SYK: variants seen among roughly 807,000 people sequenced by gnomAD.
SYK encodes the protein tyrosine-protein kinase SYK.
Under a neutral mutation model 77.8 loss-of-function variants are expected in SYK, and 16 were observed. That is an observed-to-expected ratio of 0.21 (90% confidence interval 0.14 to 0.31). SYK has a LOEUF of 0.31. Among genes scored for constraint, SYK ranks in the 10% least tolerant of loss-of-function variants. The pLI, the probability that SYK is intolerant of heterozygous loss-of-function variation, is 1.00. For synonymous variants in SYK, 312 were observed against 308.7 expected, an observed-to-expected ratio of 1.01 and a Z score of -0.11; for missense variants, 529 against 814.4, an observed-to-expected ratio of 0.65 and a Z score of 4.26.
In SYK at chr9:90,895,899, A is replaced by C; in HGVS notation, c.*299A>C. On this transcript the variant is annotated 3_prime_UTR_variant, in exon 14 of 14. Coordinates refer to ENST00000375754, the MANE Select transcript of SYK (RefSeq NM_003177.7). The surrounding 1 kb of genome is among the most constrained non-coding windows in gnomAD (Gnocchi z 4.4). ...TACGATCTGTTTCCAAATCCCTTTC[A>C]TGTCTTTCCACTTCTCTGGGTCCCG... 7.7e-6 allele frequency: 3 copies of C among 390,606 alleles called. No homozygotes were observed. The highest frequency in any genetic ancestry group is 6.7e-5 in the South Asian group (2 of 29,916). 24.2% of individuals were successfully genotyped at this position (390,606 alleles called of 1,614,324 possible).
chr9:90,842,130 A>G (rs1826384826), intron 1 of SYK, among the ~76,000 whole-genome samples: 2 of 118,868 alleles, frequency 1.7e-5, no homozygotes, highest in African/African-American at 3.3e-5. Context: ...TATGTATGTA[A>G]TTTGTGTTGT....
Position 90,865,038 on chromosome 9 carries a change from C to G in SYK, c.797-10C>G, listed in dbSNP as rs200686089. 1.2e-5 allele frequency: 19 copies of G among 1,613,922 alleles called. No individual in the cohort carries two copies. Among genetic ancestry groups the G allele is most frequent in the Non-Finnish European group, 1.4e-5 (17 of 1,179,906 alleles). On this transcript the variant is annotated splice_polypyrimidine_tract_variant and intron_variant, in intron 5 of 13. Coordinates refer to ENST00000375754, the MANE Select transcript of SYK (RefSeq NM_003177.7). Reference sequence around the variant, plus strand: ...ATAGAGCAGTAATTGTCCATGCTCTCTCTAACCAGGAAATGTTAATTTTGG... The same window carrying G: ...ATAGAGCAGTAATTGTCCATGCTCTGTCTAACCAGGAAATGTTAATTTTGG...
At chr9:90,853,954 C>G (rs1307520588) in intron 3 of SYK, among the ~76,000 whole-genome samples, 1 of 152,078 alleles carries the variant, frequency 6.6e-6, no homozygotes, top group Non-Finnish European at 1.5e-5. Flanking sequence ...GGTATGGTGG[C>G]CAGGGCAGGC....
rs1587924085 is a variant in SYK, at chr9:90,887,945, C to T, written c.1722+56C>T. 1.2e-5 allele frequency: 17 copies of T among 1,476,704 alleles called. No homozygotes were observed. In the East Asian group the frequency reaches 4.3e-4, roughly 38 times the overall value. The allele number at this position is 1,476,704 out of a possible 1,614,324, so 91.5% of individuals were successfully genotyped here. On this transcript the variant is annotated intron_variant, in intron 12 of 13. Coordinates refer to ENST00000375754, the MANE Select transcript of SYK (RefSeq NM_003177.7). The stretch of plus-strand genomic sequence containing the variant: ...TGGGGCCATTAGAACAGATAAGCAC[C>T]AGATTGTCTTTACAACAACCTGAAA...
intron 9 of SYK, among the ~76,000 whole-genome samples, chr9:90,876,711 G>T (rs769438075): frequency 6.6e-6 from 1 of 152,186 alleles, no homozygotes; most frequent in Non-Finnish European, 1.5e-5. Context: ...GCAAAATGAT[G>T]TCTTTACAAT....
At chr9:90,862,461 C>T in intron 4 of SYK, 117 bp downstream of exon 4, 8 of 1,280,570 alleles carry the variant, frequency 6.2e-6, no homozygotes, top group Non-Finnish European at 8.4e-6. Context: ...AGTGTGGTCC[C>T]CAGGCCAGCA....
chr9:90,851,182 C>T (rs1826806157), intron 3 of SYK, among the ~76,000 whole-genome samples: 1 of 152,168 alleles, frequency 6.6e-6, no homozygotes, highest in Non-Finnish European at 1.5e-5. Context: ...GCAACCAAAT[C>T]CATCTCCAGA....
chr9:90,884,155 A>ATG (rs1828275133), intron 11 of SYK, among the ~76,000 whole-genome samples: 1 of 95,170 alleles, frequency 1.1e-5, no homozygotes, highest in Non-Finnish European at 2.3e-5. Flanking sequence ...GTGTGTGTGT[A>ATG]TATATACACA....
chr9:90,896,609 G>C lies in SYK; in HGVS notation c.*1009G>C. The C allele has an allele frequency of 4.3e-6, 1 of 232,942 alleles. No homozygotes were observed. The highest frequency in any genetic ancestry group is 8.5e-6 in the Non-Finnish European group (1 of 117,832). The allele number at this position is 232,942 out of a possible 1,614,324, so 14.4% of individuals were successfully genotyped here. On this transcript the variant is annotated 3_prime_UTR_variant, in exon 14 of 14. Coordinates refer to ENST00000375754, the MANE Select transcript of SYK (RefSeq NM_003177.7). The stretch of plus-strand genomic sequence containing the variant: ...ATTCAGAACAAGCCAAAGACCCTGA[G>C]CCTCACCACAAACAGGCCTTTTGGA...
At position 90,853,094 on chromosome 9, in the gene SYK, C is replaced by A. The variant is rs1826881185; in HGVS notation, c.578+7500C>A. On this transcript the variant is annotated intron_variant, in intron 3 of 13. Coordinates refer to ENST00000375754, the MANE Select transcript of SYK (RefSeq NM_003177.7). Reference sequence around the variant, plus strand: ...TGCCTTCACGAGTGCAACCCAGCACCTAGAACATGGTCTTGGTGGGAAAAA... The same window carrying A: ...TGCCTTCACGAGTGCAACCCAGCACATAGAACATGGTCTTGGTGGGAAAAA... 2.0e-5 allele frequency among the ~76,000 whole-genome samples: 3 copies of A among 151,814 alleles called. No homozygotes were observed. The South Asian group carries it at 6.3e-4, about 32-fold the overall frequency.
intron 1 of SYK, among the ~76,000 whole-genome samples, chr9:90,814,747 G>A (rs1272083078): frequency 6.6e-6 from 1 of 152,126 alleles, no homozygotes; most frequent in Non-Finnish European, 1.5e-5. Context: ...CCTTTGACAT[G>A]AGACCTTGAG....
At chr9:90,848,214 G>A (rs7022975) in intron 3 of SYK, among the ~76,000 whole-genome samples, 1 of 152,178 alleles carries the variant, frequency 6.6e-6, no homozygotes, top group Admixed American at 6.6e-5. Context: ...AGGTTGCCTA[G>A]ACGTTGGTCC....
At chr9:90,822,785 T>C (rs1387403976) in intron 1 of SYK, among the ~76,000 whole-genome samples, 3 of 152,202 alleles carry the variant, frequency 2.0e-5, no homozygotes, top group African/African-American at 7.2e-5. Context: ...GGAGTCTTAC[T>C]TGCAGTCCAC....
intron 3 of SYK, among the ~76,000 whole-genome samples, chr9:90,854,818 A>G (rs1307718154): frequency 6.6e-6 from 1 of 151,858 alleles, no homozygotes; most frequent in East Asian, 1.9e-4. Context: ...TCCCCTGTCC[A>G]TTTTGAAAAG....
chr9:90,813,299 C>T (rs1369926320), intron 1 of SYK, among the ~76,000 whole-genome samples: 1 of 152,120 alleles, frequency 6.6e-6, no homozygotes, highest in African/African-American at 2.4e-5. Context: ...TGGGCCGCTG[C>T]TGCTACCTCC....
intron 1 of SYK, among the ~76,000 whole-genome samples, chr9:90,837,835 C>T (rs906050621): frequency 1.3e-5 from 2 of 152,222 alleles, no homozygotes; most frequent in African/African-American, 2.4e-5. Context: ...ATCTAACCTG[C>T]TTCAAGATTC....
At chr9:90,892,209 G>T (rs1828818968) in intron 13 of SYK, among the ~76,000 whole-genome samples, 1 of 152,188 alleles carries the variant, frequency 6.6e-6, no homozygotes, top group Non-Finnish European at 1.5e-5. Context: ...ATAAAATCTG[G>T]CTAGAAGGAG....
At chr9:90,854,156 G>T (rs1413883231) in intron 3 of SYK, among the ~76,000 whole-genome samples, 1 of 152,212 alleles carries the variant, frequency 6.6e-6, no homozygotes, top group Non-Finnish European at 1.5e-5. Context: ...GATGGTGGCA[G>T]ACTGGCCGGG....
chr9:90,895,752 TC>T lies in SYK; in HGVS notation c.*155del. On this transcript the variant is annotated 3_prime_UTR_variant, in exon 14 of 14. Transcript: ENST00000375754. This position sits in a 1 kb window ranked among gnomAD's most constrained non-coding sequence, Gnocchi z 4.4. ...CCCACAACTTGTCACCCAAAGCCTGTCCCAGGACTCACCCTCCACAAAGCAA... is the reference window on the plus strand; with the variant it reads ...CCCACAACTTGTCACCCAAAGCCTGTCCAGGACTCACCCTCCACAAAGCAA... 1 of 663,908 alleles carries T rather than the reference TC, an allele frequency of 1.5e-6. No individual in the cohort carries two copies. The allele number at this position is 663,908 out of a possible 1,614,324, so 41.1% of individuals were successfully genotyped here.
Sources: allele counts gnomAD v4.1 joint callset (sites outside exome capture counted in the v4.1 genomes callset), GRCh38; gene constraint gnomAD v4.1.1; non-coding constraint Gnocchi (gnomAD v3.1); transcripts MANE v1.5; gene names NCBI Gene and HGNC (gene_info 2026-07-23, HGNC 2026-07-21).